The following EYA3 variants were observed in gnomAD, a reference collection of about 807,000 sequenced individuals.
EYA3 encodes the protein EYA transcriptional coactivator and phosphatase 3.
EYA3 carries 39 observed loss-of-function variants against 80.0 expected under a neutral mutation model. The ratio of observed to expected loss-of-function variants is 0.49; its 90% CI spans 0.38 to 0.64. The LOEUF is 0.64. Ranked by LOEUF, EYA3 falls within the 30% of genes least tolerant of loss-of-function variation. EYA3 has a pLI of 0.00. For missense variants in EYA3, 523 were observed against 676.1 expected, an observed-to-expected ratio of 0.77 and a Z score of 2.51; for synonymous variants, 206 against 232.8, an observed-to-expected ratio of 0.88 and a Z score of 1.05.
chr1:28,001,840 C>T (rs1571761705), intron 11 of EYA3, among the ~76,000 whole-genome samples: 1 of 150,804 alleles, frequency 6.6e-6, no homozygotes, highest in African/African-American at 2.4e-5. Flanking sequence ...AAGTGATCCT[C>T]CTGCCTCAGC....
intron 7 of EYA3, among the ~76,000 whole-genome samples, chr1:28,024,765 T>A (rs1037347955): frequency 6.6e-6 from 1 of 152,036 alleles, no homozygotes; most frequent in African/African-American, 2.4e-5. Flanking sequence ...TGACCAAAGA[T>A]AGGGCCACAT....
At chr1:28,073,910 A>T (rs1250785779) in intron 1 of EYA3, among the ~76,000 whole-genome samples, 1 of 152,250 alleles carries the variant, frequency 6.6e-6, no homozygotes, top group Non-Finnish European at 1.5e-5. Context: ...ACTGTAATAC[A>T]AACAAATGAA....
At position 27,999,948 on chromosome 1, in the gene EYA3, TA is replaced by T; in HGVS notation, c.1083+11del. On this transcript the variant is annotated intron_variant, in intron 12 of 17. Coordinates refer to ENST00000373871, the MANE Select transcript of EYA3 (RefSeq NM_001990.4). ...GTCTCAGTGAAGCACAGAAACAATT[TA>T]AAATGCTTACCTCTAAGTCATTGAA... 6.4e-7 allele frequency: 1 copy of T among 1,568,202 alleles called. No homozygotes were observed. Among genetic ancestry groups the T allele is most frequent in the Non-Finnish European group, 8.7e-7 (1 of 1,150,296 alleles).
chr1:28,081,828 C>T (rs115028186), intron 1 of EYA3, among the ~76,000 whole-genome samples: 2,375 of 152,178 alleles, frequency 0.016, 56 homozygotes, highest in African/African-American at 0.054. Context: ...TACCAATTTT[C>T]CTAAATTCAG....
intron 5 of EYA3, 142 bp from the exon 6 acceptor site, chr1:28,035,822 T>G: frequency 1.3e-6 from 1 of 781,304 alleles, no homozygotes; most frequent in East Asian, 2.7e-5. Context: ...TTTCAAAAAT[T>G]TTTTATTTTT....
intron 10 of EYA3, among the ~76,000 whole-genome samples, chr1:28,005,454 C>T (rs1327293866): frequency 6.6e-6 from 1 of 152,200 alleles, no homozygotes; most frequent in Non-Finnish European, 1.5e-5. Context: ...TGGCTCACAC[C>T]TGTAAACCTA....
At position 27,973,979 on chromosome 1, in the gene EYA3, C is replaced by A. The variant is rs1638820599; in HGVS notation, c.*487G>T. 6.6e-6 allele frequency: 1 copy of A among 152,520 alleles called. No individual in the cohort carries two copies. Among genetic ancestry groups the A allele is most frequent in the South Asian group, 2.1e-4 (1 of 4,846 alleles). 9.4% of individuals were successfully genotyped at this position (152,520 alleles called of 1,614,324 possible). A position where few individuals can be genotyped will look rare whatever the true frequency, so the allele number is the denominator to read the frequency against. ...TATCATAAAAGTCTGCTGCATTTAT[C>A]TGATCACCACAAGTTATCAGTAATT... On this transcript the variant is annotated 3_prime_UTR_variant, in exon 18 of 18. Transcript: ENST00000373871.
chr1:27,998,714 T>TAA (rs552461420), intron 12 of EYA3, among the ~76,000 whole-genome samples: 1 of 135,252 alleles, frequency 7.4e-6, no homozygotes, highest in African/African-American at 2.7e-5. Flanking sequence ...TCTCTATTAC[T>TAA]AAAAAAAAAA....
intron 2 of EYA3, among the ~76,000 whole-genome samples, chr1:28,057,124 C>T (rs1250087785): frequency 2.0e-5 from 3 of 152,098 alleles, no homozygotes; most frequent in African/African-American, 7.2e-5. Context: ...CATCAATATG[C>T]ATTTCTCAAT....
At chr1:28,067,673 C>T (rs1200365044) in intron 1 of EYA3, among the ~76,000 whole-genome samples, 3 of 152,150 alleles carry the variant, frequency 2.0e-5, no homozygotes. Context: ...TGTGTCATCT[C>T]TTTCCTAAGA....
At chr1:27,985,070 TCAA>T (rs1196148679) in intron 16 of EYA3, among the ~76,000 whole-genome samples, 4 of 132,582 alleles carry the variant, frequency 3.0e-5, no homozygotes, top group African/African-American at 1.3e-4. Context: ...AAAACAATCT[TCAA>T]TTCAATTCTC....
intron 8 of EYA3, among the ~76,000 whole-genome samples, chr1:28,016,165 GAGAA>G (rs1228134827): frequency 6.6e-6 from 1 of 152,088 alleles, no homozygotes; most frequent in African/African-American, 2.4e-5. Flanking sequence ...AGCTATGAGA[GAGAA>G]AGAGACAGTC....
At chr1:28,069,775 C>T (rs532114121) in intron 1 of EYA3, among the ~76,000 whole-genome samples, 16 of 152,250 alleles carry the variant, frequency 1.1e-4, no homozygotes, top group African/African-American at 3.6e-4. Context: ...TGAATGTTCA[C>T]TTATTTGGAA....
rs1318356174 is a variant in EYA3 at position 28,084,575 on chromosome 1, ATATATATATATATATATATATTTTTTTTT to A, written c.-69+3920_-69+3948del. Among the ~76,000 whole-genome samples, 13 of 10,376 alleles carry A rather than the reference ATATATATATATATATATATATTTTTTTTT, an allele frequency of 1.3e-3. 1 individual carries two copies. The highest frequency in any genetic ancestry group is 5.4e-3 in the African/African-American group (13 of 2,386). The allele number at this position is 10,376 out of a possible 152,430, so 6.8% of individuals were successfully genotyped here. A position where few individuals can be genotyped will look rare whatever the true frequency, so the allele number is the denominator to read the frequency against. Reference sequence around the variant, plus strand: ...TTCCAAAATATATATATATATATATATATATATATATATATATATATTTTTTTTTTTTTTTTTTTTTTTTTTTTTTTTGA... The same window carrying A: ...TTCCAAAATATATATATATATATATATTTTTTTTTTTTTTTTTTTTTTTGA... On this transcript the variant is annotated intron_variant, in intron 1 of 17. Coordinates refer to ENST00000373871, the MANE Select transcript of EYA3 (RefSeq NM_001990.4).
rs368365432 is a variant in EYA3 at position 28,030,440 on chromosome 1, A to C, written c.362-2514T>G. ...CCCGAATAGCTGGGACCACAGGCAC[A>C]CTACGCCTGGCTACTTTTTGTATTT... On this transcript the variant is annotated intron_variant, in intron 6 of 17. Coordinates refer to ENST00000373871, the MANE Select transcript of EYA3 (RefSeq NM_001990.4). Among the ~76,000 whole-genome samples, 17 of 152,138 alleles carry C rather than the reference A, an allele frequency of 1.1e-4. No individual in the cohort carries two copies. In the East Asian group the frequency reaches 3.3e-3, roughly 29 times the overall value.
intron 3 of EYA3, among the ~76,000 whole-genome samples, chr1:28,044,859 C>A (rs1214351474): frequency 6.6e-6 from 1 of 151,952 alleles, no homozygotes; most frequent in Non-Finnish European, 1.5e-5. Context: ...GCAGCTTTGA[C>A]CTCCCGGGCT....
intron 16 of EYA3, among the ~76,000 whole-genome samples, chr1:27,987,137 C>G (rs1466792193): frequency 1.3e-5 from 2 of 152,228 alleles, no homozygotes; most frequent in Non-Finnish European, 2.9e-5. Context: ...CAGCCTCTGG[C>G]AATTATCATT....
intron 1 of EYA3, among the ~76,000 whole-genome samples, chr1:28,071,978 A>G (rs184077748): frequency 1.1e-3 from 171 of 152,270 alleles, no homozygotes; most frequent in African/African-American, 4.0e-3. Flanking sequence ...CAATTTTCCC[A>G]GGGGCCCTCT....
In EYA3 at chr1:28,037,060, G is replaced by A. The variant is rs372734677; in HGVS notation, c.225-1380C>T. Among the ~76,000 whole-genome samples the A allele has an allele frequency of 3.3e-5, 5 of 152,130 alleles. No individual in the cohort carries two copies. The East Asian group carries it at 9.6e-4, about 29-fold the overall frequency. ...AGGGAAGTATATTAAGAGAAGTAGC[G>A]AGAGAAAGGAAGCAAAGACCTTGAA... On this transcript the variant is annotated intron_variant, in intron 5 of 17. Coordinates refer to ENST00000373871, the MANE Select transcript of EYA3 (RefSeq NM_001990.4).
Sources: allele counts gnomAD v4.1 joint callset (sites outside exome capture counted in the v4.1 genomes callset), GRCh38; gene constraint gnomAD v4.1.1; transcripts MANE v1.5; gene names NCBI Gene and HGNC (gene_info 2026-07-23, HGNC 2026-07-21).